The following FRMPD4 variants were observed in gnomAD, a reference collection of about 807,000 sequenced individuals.
FRMPD4 encodes FERM and PDZ domain containing 4.
Under a neutral mutation model 94.1 loss-of-function variants are expected in FRMPD4, and 22 were observed. The observed-to-expected ratio is 0.23, with a 90% CI of 0.17 to 0.33. The LOEUF (loss-of-function observed/expected upper bound fraction) is 0.33. FRMPD4 is among the 10% of genes least tolerant of loss of function. FRMPD4 has a pLI of 1.00. For synonymous variants in FRMPD4, 631 were observed against 548.6 expected (o/e 1.15, Z -2.10); for missense variants, 1,111 against 1,339.9 (o/e 0.83, Z 2.67).
At chrX:12,522,114 CA>C (rs63200862) in intron 2 of FRMPD4, among the ~76,000 whole-genome samples, 34,929 of 88,019 alleles carry the variant, frequency 0.4, 5,084 homozygotes, top group Middle Eastern at 0.56. Flanking sequence ...GTTACTTCTT[CA>C]AAAAAAAAAA....
At chrX:12,317,790 A>T (rs987660404) in intron 1 of FRMPD4, among the ~76,000 whole-genome samples, 5 of 111,737 alleles carry the variant, frequency 4.5e-5, no homozygotes, top group African/African-American at 1.6e-4. Flanking sequence ...AATGGCTATT[A>T]TCAAAAGACG....
intron 4 of FRMPD4, among the ~76,000 whole-genome samples, chrX:12,643,434 T>C (rs1442234204): frequency 8.9e-6 from 1 of 111,855 alleles, no homozygotes; most frequent in Non-Finnish European, 1.9e-5. Flanking sequence ...ATAATTCAAT[T>C]TATATTTTAA....
chrX:12,123,200 G>T (rs2055472044), intron 3 of FRMPD4, among the ~76,000 whole-genome samples: 1 of 106,584 alleles, frequency 9.4e-6, no homozygotes, highest in African/African-American at 3.4e-5. Flanking sequence ...GGATTACAGT[G>T]GGGTGATCTC....
intron 2 of FRMPD4, among the ~76,000 whole-genome samples, chrX:12,552,393 A>G (rs1053734454): frequency 9.0e-6 from 1 of 111,571 alleles, no homozygotes; most frequent in Non-Finnish European, 1.9e-5. Context: ...TATTTTTCCA[A>G]TATCTCTCAG....
At chrX:12,404,389 T>A (rs888683048) in intron 1 of FRMPD4, among the ~76,000 whole-genome samples, 1 of 112,366 alleles carries the variant, frequency 8.9e-6, no homozygotes, top group East Asian at 2.8e-4. Context: ...AATACCTGCC[T>A]GCCTTTTATT....
chrX:12,419,557 T>C (rs2056855602), intron 1 of FRMPD4, among the ~76,000 whole-genome samples: 1 of 111,860 alleles, frequency 8.9e-6, no homozygotes, highest in African/African-American at 3.3e-5. Context: ...GCACAAAAAC[T>C]CTTCGGGGGT....
At chrX:12,566,034 T>G (rs2058708561) in intron 2 of FRMPD4, among the ~76,000 whole-genome samples, 1 of 111,537 alleles carries the variant, frequency 9.0e-6, no homozygotes, top group Non-Finnish European at 1.9e-5. Flanking sequence ...GCAGGAAGGA[T>G]TTCTAAGAAA....
At chrX:11,923,034 G>A (rs182375036) in intron 3 of FRMPD4, among the ~76,000 whole-genome samples, 7 of 112,757 alleles carry the variant, frequency 6.2e-5, no homozygotes, top group Admixed American at 1.9e-4. Flanking sequence ...CCAGTGGAGC[G>A]CTCCAGTGAG....
intron 1 of FRMPD4, among the ~76,000 whole-genome samples, chrX:12,195,298 G>T (rs1329473385): frequency 9.6e-6 from 1 of 104,262 alleles, no homozygotes; most frequent in Non-Finnish European, 1.9e-5. Context: ...CACATGTTTG[G>T]TGATTTTTTA....
At chrX:12,669,919 G>A (rs2059821540) in intron 4 of FRMPD4, among the ~76,000 whole-genome samples, 1 of 112,086 alleles carries the variant, frequency 8.9e-6, no homozygotes. Flanking sequence ...TCATGTTTAA[G>A]CCACTAAGTT....
chrX:12,441,433 A>G (rs1208303195), intron 1 of FRMPD4, among the ~76,000 whole-genome samples: 3 of 111,775 alleles, frequency 2.7e-5, no homozygotes, highest in East Asian at 5.6e-4. Flanking sequence ...TAATTTATTC[A>G]TTTGTTTGTT....
chrX:12,106,702 C>T (rs1002438111), intron 3 of FRMPD4, among the ~76,000 whole-genome samples: 1 of 111,768 alleles, frequency 8.9e-6, no homozygotes, highest in African/African-American at 3.3e-5. Flanking sequence ...CACTCCCACC[C>T]TAATACTGCA....
intron 3 of FRMPD4, among the ~76,000 whole-genome samples, chrX:11,983,116 T>C (rs769923601): frequency 8.9e-6 from 1 of 112,267 alleles, no homozygotes; most frequent in Non-Finnish European, 1.9e-5. Flanking sequence ...AAGCTTTTCA[T>C]GTCACACAGG....
intron 3 of FRMPD4, among the ~76,000 whole-genome samples, chrX:12,058,491 A>G (rs1264029533): frequency 9.0e-6 from 1 of 111,107 alleles, no homozygotes; most frequent in Non-Finnish European, 1.9e-5. Flanking sequence ...CAATCATAAA[A>G]TAAAATGGCT....
chrX:12,681,840 T>C (rs1340964407), intron 5 of FRMPD4, among the ~76,000 whole-genome samples: 1 of 111,898 alleles, frequency 8.9e-6, no homozygotes, highest in African/African-American at 3.3e-5. Flanking sequence ...GTGTACAATT[T>C]CGTGGCATTA....
intron 3 of FRMPD4, among the ~76,000 whole-genome samples, chrX:12,613,778 C>T (rs2059206840): frequency 8.9e-6 from 1 of 111,883 alleles, no homozygotes; most frequent in African/African-American, 3.2e-5. Context: ...GAGATCGAAA[C>T]CATCCTGGCT....
At chrX:12,208,381 G>A (rs1040729261) in intron 1 of FRMPD4, among the ~76,000 whole-genome samples, 1 of 110,054 alleles carries the variant, frequency 9.1e-6, no homozygotes, top group Non-Finnish European at 1.9e-5. Flanking sequence ...CTACTATAAT[G>A]TGTTTGAAGG....
chrX:12,715,776 G>A (rs1190714625), intron 14 of FRMPD4, among the ~76,000 whole-genome samples: 1 of 111,872 alleles, frequency 8.9e-6, no homozygotes, highest in Non-Finnish European at 1.9e-5. Context: ...AGAACCAAGG[G>A]TCAGATGGAA....
rs1601846524 is a variant in FRMPD4 at position 12,350,292 on chromosome X, A to G, written c.42-148388A>G. Among the ~76,000 whole-genome samples the G allele has an allele frequency of 6.3e-5, 7 of 111,896 alleles. 1 individual carries two copies. On this transcript the variant is annotated intron_variant, in intron 1 of 16. Coordinates refer to ENST00000675598, the MANE Select transcript of FRMPD4 (RefSeq NM_001368397.1). The stretch of plus-strand genomic sequence containing the variant: ...GATTTTTCAAGTTATTTTTTATACT[A>G]TGGGCCTTTTAATTTTCATAATTTA...
Sources: gnomAD v4.1 joint callset for allele counts (sites outside exome capture counted in the v4.1 genomes callset) on GRCh38, gnomAD v4.1.1 for gene constraint, MANE v1.5 for transcripts, NCBI Gene and HGNC (gene_info 2026-07-23, HGNC 2026-07-21) for gene names.